Variants in SARDH observed in about 807,000 individuals in gnomAD.
SARDH encodes the protein sarcosine dehydrogenase.
A neutral mutation model predicts 109.1 loss-of-function variants in SARDH; 95 were observed. That is an observed-to-expected ratio of 0.87 (90% CI 0.74 to 1.03). SARDH has a LOEUF of 1.03. Among genes scored for constraint, SARDH ranks in the 50% least tolerant of loss-of-function variants. The pLI, the probability that SARDH is intolerant of heterozygous loss-of-function variation, is 0.00. For missense variants in SARDH, 1,267 were observed against 1,287.8 expected, an observed-to-expected ratio of 0.98 and a Z score of 0.25; for synonymous variants, 572 against 534.8, an observed-to-expected ratio of 1.07 and a Z score of -0.96.
intron 4 of SARDH, among the ~76,000 whole-genome samples, chr9:133,730,459 T>C (rs1369134432): frequency 6.1e-5 from 3 of 49,138 alleles, no homozygotes; most frequent in Non-Finnish European, 1.1e-4. Context: ...AAAAAGTAGC[T>C]GACTTTTTTT....
chr9:133,663,816 C>T lies in SARDH; in HGVS notation c.*73G>A, dbSNP rs1829961816. The T allele has an allele frequency of 6.3e-7, 1 of 1,594,588 alleles. No individual in the cohort carries two copies. Among genetic ancestry groups the T allele is most frequent in the Admixed American group, 1.7e-5 (1 of 59,040 alleles). On this transcript the variant is annotated 3_prime_UTR_variant, in exon 21 of 21. Coordinates refer to ENST00000439388, the MANE Select transcript of SARDH (RefSeq NM_001134707.2). ...CACAAGTTCTGGCTGGGTCCAGGGTCCTGGGACCCAGGGCCATTTGGGACC... is the reference window on the plus strand; with the variant it reads ...CACAAGTTCTGGCTGGGTCCAGGGTTCTGGGACCCAGGGCCATTTGGGACC...
intron 13 of SARDH, among the ~76,000 whole-genome samples, chr9:133,702,208 C>T (rs1311847232): frequency 2.6e-5 from 4 of 152,240 alleles, no homozygotes; most frequent in Non-Finnish European, 5.9e-5. Context: ...CCAGGGCAGA[C>T]GCTGGCCTCG....
At chr9:133,670,366 C>T (rs1376379125) in intron 19 of SARDH, among the ~76,000 whole-genome samples, 1 of 151,520 alleles carries the variant, frequency 6.6e-6, no homozygotes, top group Non-Finnish European at 1.5e-5. Context: ...CTCTCTCTGC[C>T]TTTCTGCCTT....
intron 16 of SARDH, 143 bp from the exon 17 acceptor site, chr9:133,685,429 C>A: frequency 1.6e-6 from 1 of 630,802 alleles, no homozygotes; most frequent in East Asian, 2.9e-5. Context: ...AATAAAAATA[C>A]ACCAAGACAG....
intron 13 of SARDH, among the ~76,000 whole-genome samples, chr9:133,700,116 C>T (rs1004894438): frequency 1.3e-5 from 2 of 152,122 alleles, no homozygotes; most frequent in African/African-American, 4.8e-5. Context: ...CACCTGAGGT[C>T]AGGAGTTCAA....
At chr9:133,732,797 C>T (rs1054379546) in intron 2 of SARDH, among the ~76,000 whole-genome samples, 196 bp from the exon 3 acceptor site, 2 of 152,128 alleles carry the variant, frequency 1.3e-5, no homozygotes, top group Non-Finnish European at 2.9e-5. Flanking sequence ...AGGGAGGTCC[C>T]GCCCTTGGGC....
chr9:133,735,603 C>T (rs530507343), intron 1 of SARDH, among the ~76,000 whole-genome samples: 1 of 152,188 alleles, frequency 6.6e-6, no homozygotes, highest in African/African-American at 2.4e-5. Context: ...TAACTGAGCT[C>T]GTGTTAACTG....
Position 133,663,791 on chromosome 9 carries a change from C to T in SARDH, c.*98G>A. 2 of 1,531,938 alleles carry T rather than the reference C, an allele frequency of 1.3e-6. No individual in the cohort carries two copies. Among genetic ancestry groups the T allele is most frequent in the Non-Finnish European group, 1.8e-6 (2 of 1,126,824 alleles). The allele number at this position is 1,531,938 out of a possible 1,614,324, so 94.9% of individuals were successfully genotyped here. On this transcript the variant is annotated 3_prime_UTR_variant, in exon 21 of 21. Coordinates refer to ENST00000439388, the MANE Select transcript of SARDH (RefSeq NM_001134707.2). ...AGGCCTAGGCTAAGGACAGGGAGGG[C>T]ACAAGTTCTGGCTGGGTCCAGGGTC...
At chr9:133,688,637 G>T (rs1830974661) in intron 16 of SARDH, among the ~76,000 whole-genome samples, 2 of 152,164 alleles carry the variant, frequency 1.3e-5, no homozygotes, top group Admixed American at 6.5e-5. Flanking sequence ...TCACCCTGCT[G>T]CCCTCTGAGC....
At chr9:133,662,138 C>T (rs1043061216), downstream of SARDH, among the ~76,000 whole-genome samples, 1 of 152,048 alleles carries the variant, frequency 6.6e-6, no homozygotes, top group Non-Finnish European at 1.5e-5. This position sits in a 1 kb window ranked among gnomAD's most constrained non-coding sequence, Gnocchi z 5.1. Context: ...GGGAAGCACA[C>T]AGGGGACAGG....
In SARDH at chr9:133,666,798, G is replaced by C. The variant is rs771957347; in HGVS notation, c.2568C>G (p.Asp856Glu). 1 of 1,606,728 alleles carries C rather than the reference G, an allele frequency of 6.2e-7. No homozygotes were observed. Among genetic ancestry groups the C allele is most frequent in the Non-Finnish European group, 8.5e-7 (1 of 1,176,910 alleles). The change falls in exon 20 of 21, where the codon GAC (aspartate) becomes GAG (glutamate). Residue 856 changes from aspartate (D) to glutamate (E), a missense_variant. Asp to Glu is a conservative substitution (Grantham distance 45). Coordinates refer to ENST00000439388, the MANE Select transcript of SARDH (RefSeq NM_001134707.2). This position sits in a 1 kb window ranked among gnomAD's most constrained non-coding sequence, Gnocchi z 5.2. ...TGGTCTTGTCGATGGCGAACCCAAA[G>C]TCAGCCCTCCGGACATGGCCCACCA... Reference protein sequence around the residue: ...GQVVGHVRRADFGFAIDKTIA... With the variant: ...GQVVGHVRRAEFGFAIDKTIA...
At chr9:133,672,998 C>A (rs28645102) in intron 17 of SARDH, among the ~76,000 whole-genome samples, 2,144 of 152,328 alleles carry the variant, frequency 0.014, 68 homozygotes, top group African/African-American at 0.048. Flanking sequence ...CGTCCCTCCA[C>A]GGCCCTTGCA....
At chr9:133,671,319 T>C (rs1830338316) in intron 18 of SARDH, among the ~76,000 whole-genome samples, 1 of 151,910 alleles carries the variant, frequency 6.6e-6, no homozygotes, top group African/African-American at 2.4e-5. Flanking sequence ...ACACTGTCCC[T>C]GGGGCCCTGC....
At chr9:133,717,203 G>A (rs1832155107) in intron 8 of SARDH, 123 bp downstream of exon 8, 2 of 1,246,132 alleles carry the variant, frequency 1.6e-6, no homozygotes, top group East Asian at 2.4e-5. Context: ...AGCAGCGAGA[G>A]GGACCGGGGA....
intron 14 of SARDH, among the ~76,000 whole-genome samples, chr9:133,695,430 G>A (rs1193109648): frequency 1.3e-5 from 2 of 152,152 alleles, no homozygotes; most frequent in Admixed American, 6.5e-5. Flanking sequence ...GCGACAGAGC[G>A]AGACTCCGTC....
chr9:133,671,010 AG>A (rs1237880147), intron 18 of SARDH, among the ~76,000 whole-genome samples: 1 of 152,092 alleles, frequency 6.6e-6, no homozygotes, highest in Non-Finnish European at 1.5e-5. Context: ...GGGCTTGTGA[AG>A]GGGGAGCTTC....
At chr9:133,690,792 G>A (rs922524224) in intron 15 of SARDH, among the ~76,000 whole-genome samples, 3 of 152,154 alleles carry the variant, frequency 2.0e-5, no homozygotes, top group African/African-American at 4.8e-5. Context: ...TCAAAGGGAT[G>A]CCCCTACCCT....
chr9:133,661,922 G>T (rs971935475), downstream of SARDH, among the ~76,000 whole-genome samples: 1 of 152,218 alleles, frequency 6.6e-6, no homozygotes, highest in African/African-American at 2.4e-5. Context: ...AGGTCTGGAA[G>T]ACCTGGCTCG....
chr9:133,659,547 G>A (rs1832383989), downstream of SARDH, among the ~76,000 whole-genome samples: 4 of 152,220 alleles, frequency 2.6e-5, no homozygotes, highest in Admixed American at 1.3e-4. Flanking sequence ...GACAGTAACA[G>A]ATGCACTTGT....
Sources: allele counts gnomAD v4.1 joint callset (sites outside exome capture counted in the v4.1 genomes callset), GRCh38; gene constraint gnomAD v4.1.1; non-coding constraint Gnocchi (gnomAD v3.1); transcripts MANE v1.5; gene names NCBI Gene and HGNC (gene_info 2026-07-23, HGNC 2026-07-21).